The following RALGAPA2 variants were observed in gnomAD, a reference collection of about 807,000 sequenced individuals.
RALGAPA2 encodes the protein ral GTPase-activating protein subunit alpha-2.
In RALGAPA2, 139 loss-of-function variants were observed where a neutral mutation model predicts 230.4. The observed-to-expected ratio is 0.60, with a 90% CI of 0.53 to 0.69. The LOEUF is 0.69. RALGAPA2 is among the 30% of genes least tolerant of loss of function. RALGAPA2 has a pLI of 0.00. For synonymous variants in RALGAPA2, 847 were observed against 837.8 expected (o/e 1.01, Z -0.19); for missense variants, 2,163 against 2,276.0 (o/e 0.95, Z 1.01).
Position 20,472,858 on chromosome 20 carries a change from C to T in RALGAPA2, c.5466G>A (p.Val1822=). 2 of 1,613,592 alleles carry T rather than the reference C, an allele frequency of 1.2e-6. No homozygotes were observed. Among genetic ancestry groups the T allele is most frequent in the Non-Finnish European group, 1.7e-6 (2 of 1,179,652 alleles). Residue 1822 remains valine, a synonymous_variant, in exon 37 of 40, where the codon GTG becomes GTA. Coordinates refer to ENST00000202677, the MANE Select transcript of RALGAPA2 (RefSeq NM_020343.4). Reference sequence around the variant, plus strand: ...TCTGGTAGAGTGGGATGAGGCACTTCACAGCCCTGCTGGCGTTGATGCACG... The same window carrying T: ...TCTGGTAGAGTGGGATGAGGCACTTTACAGCCCTGCTGGCGTTGATGCACG... The part of the protein sequence containing the change: ...CATCINASRA[V]KCLIPLYQSF...
Position 20,619,432 on chromosome 20 carries a change from C to A in RALGAPA2, c.1402-18G>T. On this transcript the variant is annotated intron_variant, in intron 11 of 39. Transcript: ENST00000202677. ...GATGAGGCCTTCAGAAGATAATGAT[C>A]CATTAACAGAGTGGAAGATGCACGT... is the stretch of plus-strand genomic sequence containing the variant. 6.5e-7 allele frequency: 1 copy of A among 1,537,088 alleles called. No homozygotes were observed. Among genetic ancestry groups the A allele is most frequent in the Non-Finnish European group, 8.8e-7 (1 of 1,136,798 alleles).
chr20:20,551,230 G>A (rs1039696514), intron 23 of RALGAPA2, among the ~76,000 whole-genome samples: 23 of 152,144 alleles, frequency 1.5e-4, no homozygotes, highest in Admixed American at 5.9e-4. Flanking sequence ...TTTTTCACAC[G>A]TTAAATAGAC....
At chr20:20,395,971 G>A (rs1032493104) in intron 39 of RALGAPA2, among the ~76,000 whole-genome samples, 2 of 152,188 alleles carry the variant, frequency 1.3e-5, no homozygotes, top group Non-Finnish European at 2.9e-5. Context: ...CTCGCCTTCC[G>A]CCTGTGAGCC....
intron 3 of RALGAPA2, among the ~76,000 whole-genome samples, chr20:20,667,438 A>G (rs1262679727): frequency 3.3e-5 from 5 of 152,252 alleles, no homozygotes; most frequent in Non-Finnish European, 5.9e-5. Context: ...GAGTCCAGCC[A>G]TCCAATCCAG....
chr20:20,444,044 C>T (rs2060804491), intron 37 of RALGAPA2, among the ~76,000 whole-genome samples: 1 of 152,230 alleles, frequency 6.6e-6, no homozygotes, highest in African/African-American at 2.4e-5. Context: ...CCAAGTTACC[C>T]AGAATCTGTG....
intron 23 of RALGAPA2, among the ~76,000 whole-genome samples, chr20:20,562,620 G>A (rs2064291729): frequency 6.6e-6 from 1 of 152,154 alleles, no homozygotes; most frequent in African/African-American, 2.4e-5. Context: ...CAAAACTGTA[G>A]TTTCTGGCCT....
At chr20:20,501,146 T>TA (rs2062364012) in intron 35 of RALGAPA2, among the ~76,000 whole-genome samples, 2 of 152,346 alleles carry the variant, frequency 1.3e-5, no homozygotes, top group Middle Eastern at 3.4e-3. Flanking sequence ...GGCTTCAACT[T>TA]AAAGTCACCA....
intron 36 of RALGAPA2, among the ~76,000 whole-genome samples, chr20:20,489,567 G>GA (rs200699269): frequency 0.032 from 4,284 of 132,392 alleles, 82 homozygotes; most frequent in South Asian, 0.068. Context: ...AAGTATTCAT[G>GA]AAAAAAAAAA....
chr20:20,495,963 A>G (rs1443133157), intron 35 of RALGAPA2, among the ~76,000 whole-genome samples: 1 of 152,154 alleles, frequency 6.6e-6, no homozygotes, highest in African/African-American at 2.4e-5. Flanking sequence ...CTTACTGTAC[A>G]AAAAAGAAAT....
chr20:20,651,728 TA>T (rs1314414300), intron 4 of RALGAPA2, among the ~76,000 whole-genome samples: 1 of 152,238 alleles, frequency 6.6e-6, no homozygotes, highest in Non-Finnish European at 1.5e-5. Context: ...AAGAGCCTAC[TA>T]ATCTTCAGAC....
At chr20:20,512,229 A>C in intron 32 of RALGAPA2, among the ~76,000 whole-genome samples, 1 of 147,998 alleles carries the variant, frequency 6.8e-6, no homozygotes, top group South Asian at 2.1e-4. Flanking sequence ...CCCCCTACAC[A>C]CACACACACA....
intron 37 of RALGAPA2, among the ~76,000 whole-genome samples, chr20:20,465,197 A>ACACACACACACACACACACACACACT (rs772089136): frequency 1.4e-5 from 2 of 147,446 alleles, no homozygotes; most frequent in East Asian, 2.1e-4. Flanking sequence ...ACACACACAC[A>ACACACACACACACACACACACACACT]CTCTCTCATA....
Position 20,616,199 on chromosome 20 carries a change from T to C in RALGAPA2, c.1540-8A>G. ...AGAGTTCGTCAAAAATACCTTAAAA[T>C]CAACAACTTTACATTAGAAAATATA... On this transcript the variant is annotated splice_polypyrimidine_tract_variant and splice_region_variant and intron_variant, in intron 12 of 39. Transcript: ENST00000202677. 1 of 1,496,566 alleles carries C rather than the reference T, an allele frequency of 6.7e-7. No individual in the cohort carries two copies. Among genetic ancestry groups the C allele is most frequent in the South Asian group, 1.3e-5 (1 of 75,526 alleles). 92.7% of individuals were successfully genotyped at this position (1,496,566 alleles called of 1,614,324 possible).
intron 2 of RALGAPA2, among the ~76,000 whole-genome samples, chr20:20,679,846 G>A (rs1364070928): frequency 2.6e-5 from 4 of 152,062 alleles, no homozygotes; most frequent in Non-Finnish European, 5.9e-5. Context: ...CAGAACAACT[G>A]ACTTTTTAAC....
At chr20:20,444,884 T>C (rs1357998095) in intron 37 of RALGAPA2, among the ~76,000 whole-genome samples, 1 of 152,252 alleles carries the variant, frequency 6.6e-6, no homozygotes, top group African/African-American at 2.4e-5. Flanking sequence ...AACTGCACAC[T>C]GTCTGTCCTT....
At chr20:20,626,136 A>G (rs933309489) in intron 10 of RALGAPA2, among the ~76,000 whole-genome samples, 1 of 152,204 alleles carries the variant, frequency 6.6e-6, no homozygotes, top group South Asian at 2.1e-4. Context: ...TCCATTTTAA[A>G]CTATAATAAC....
intron 27 of RALGAPA2, among the ~76,000 whole-genome samples, chr20:20,527,585 ACCACACCGCCCTCCCC>A (rs2063245435): frequency 6.7e-6 from 1 of 149,390 alleles, no homozygotes; most frequent in African/African-American, 2.5e-5. Flanking sequence ...CCCTGAGGCC[ACCACACCGCCCTCCCC>A]CCACACCCCC....
intron 2 of RALGAPA2, 33 bp from the exon 3 acceptor site, chr20:20,676,321 CAT>C (rs753393329): frequency 1.8e-4 from 262 of 1,447,648 alleles, no homozygotes; most frequent in Non-Finnish European, 2.4e-4. Context: ...GTTATCATGA[CAT>C]CATTTAAACT....
chr20:20,691,771 G>A (rs1381468616), intron 1 of RALGAPA2, among the ~76,000 whole-genome samples: 1 of 152,178 alleles, frequency 6.6e-6, no homozygotes, highest in South Asian at 2.1e-4. Context: ...ATGTATGGTG[G>A]GGCCTAAAGT....
Sources: allele counts gnomAD v4.1 joint callset (sites outside exome capture counted in the v4.1 genomes callset), GRCh38; gene constraint gnomAD v4.1.1; transcripts MANE v1.5; gene names NCBI Gene and HGNC (gene_info 2026-07-23, HGNC 2026-07-21).